Variants in INTS7 observed in about 807,000 individuals in gnomAD.
The protein encoded by INTS7 is integrator complex subunit 7, also known as chromosome 1 open reading frame 73.
In INTS7, 46 loss-of-function variants were observed where a neutral mutation model predicts 109.2. The observed-to-expected ratio is 0.42, with a 90% CI of 0.33 to 0.54. INTS7 has a LOEUF of 0.54. INTS7 is among the 20% of genes least tolerant of loss of function. The pLI is 0.07. For synonymous variants in INTS7, 412 were observed against 402.9 expected, an observed-to-expected ratio of 1.02 and a Z score of -0.27; for missense variants, 929 against 1,132.4, an observed-to-expected ratio of 0.82 and a Z score of 2.58.
At chr1:212,003,660 T>A (rs1198503894) in intron 7 of INTS7, among the ~76,000 whole-genome samples, 2 of 152,226 alleles carry the variant, frequency 1.3e-5, no homozygotes, top group African/African-American at 4.8e-5. Context: ...TTAACTTGTA[T>A]CTTAATTATA....
At chr1:211,962,996 A>G (rs1053350971) in intron 16 of INTS7, among the ~76,000 whole-genome samples, 2 of 152,224 alleles carry the variant, frequency 1.3e-5, no homozygotes, top group Non-Finnish European at 2.9e-5. Flanking sequence ...CCCCAAAGCT[A>G]GAAGACAAGA....
chr1:211,950,568 G>A (rs1292432410), intron 17 of INTS7, among the ~76,000 whole-genome samples: 2 of 152,142 alleles, frequency 1.3e-5, no homozygotes. Context: ...CACTGCGCCC[G>A]ACCGGGAAAT....
chr1:212,015,994 T>C (rs1666423324), intron 4 of INTS7, among the ~76,000 whole-genome samples: 1 of 152,138 alleles, frequency 6.6e-6, no homozygotes, highest in Non-Finnish European at 1.5e-5. Context: ...AAAACAAACC[T>C]GTTATATTAC....
chr1:211,950,223 A>C (rs1296743705), intron 17 of INTS7, among the ~76,000 whole-genome samples: 3 of 152,234 alleles, frequency 2.0e-5, no homozygotes, highest in African/African-American at 7.2e-5. Context: ...GACAGTAACA[A>C]ATCTATAAAG....
At chr1:212,011,676 T>C (rs1419029735) in intron 4 of INTS7, 1 of 380,196 alleles carries the variant, frequency 2.6e-6, no homozygotes, top group East Asian at 4.1e-5. Flanking sequence ...ACAGTGTTAT[T>C]TTTTCATAAC....
intron 1 of INTS7, among the ~76,000 whole-genome samples, chr1:212,029,362 G>A (rs1387860614): frequency 6.6e-6 from 1 of 152,228 alleles, no homozygotes; most frequent in Admixed American, 6.5e-5. Flanking sequence ...CTGTCATCTA[G>A]GAATATCGTA....
intron 1 of INTS7, among the ~76,000 whole-genome samples, chr1:212,032,681 A>G (rs1046939881): frequency 2.6e-5 from 4 of 151,994 alleles, no homozygotes; most frequent in Non-Finnish European, 5.9e-5. Flanking sequence ...GGGTTTCACC[A>G]TGTTAGCCAG....
In INTS7 at chr1:211,942,197, T is replaced by C; in HGVS notation, c.2602-86A>G. On this transcript the variant is annotated intron_variant, in intron 19 of 19. Coordinates refer to ENST00000366994, the MANE Select transcript of INTS7 (RefSeq NM_015434.4). The surrounding 1 kb of genome is among the most constrained non-coding windows in gnomAD (Gnocchi z 4.2). ...AGTTAGGCCCTGTTCTAAGAGCTTA[T>C]TTAGACCATGCAGACAATAAAAAAT... 1 of 1,404,282 alleles carries C rather than the reference T, an allele frequency of 7.1e-7. No individual in the cohort carries two copies. The highest frequency in any genetic ancestry group is 2.0e-5 in the Admixed American group (1 of 51,186). 87.0% of individuals were successfully genotyped at this position (1,404,282 alleles called of 1,614,324 possible). A position where few individuals can be genotyped will look rare whatever the true frequency, so the allele number is the denominator to read the frequency against.
intron 4 of INTS7, among the ~76,000 whole-genome samples, chr1:212,014,736 G>A (rs1436281984): frequency 6.6e-6 from 1 of 152,040 alleles, no homozygotes; most frequent in Non-Finnish European, 1.5e-5. Flanking sequence ...GTGGAGACGG[G>A]GTTTCGCCGT....
intron 17 of INTS7, among the ~76,000 whole-genome samples, chr1:211,947,859 T>C (rs1662909663): frequency 6.6e-6 from 1 of 152,258 alleles, no homozygotes; most frequent in Non-Finnish European, 1.5e-5. Flanking sequence ...TTAGTCTTTA[T>C]ATGAGTAAAC....
chr1:211,994,505 C>A (rs1305747561), intron 7 of INTS7, among the ~76,000 whole-genome samples: 1 of 148,556 alleles, frequency 6.7e-6, no homozygotes, highest in Admixed American at 6.8e-5. Context: ...CTCACTGCAA[C>A]CTCTGCGTCC....
At chr1:212,022,692 G>A (rs1666760412) in intron 1 of INTS7, among the ~76,000 whole-genome samples, 1 of 152,140 alleles carries the variant, frequency 6.6e-6, no homozygotes, top group Non-Finnish European at 1.5e-5. Context: ...TTGTTAGTGG[G>A]AATGTAAAAC....
At chr1:211,965,606 A>G (rs1264381623) in intron 16 of INTS7, among the ~76,000 whole-genome samples, 1 of 151,926 alleles carries the variant, frequency 6.6e-6, no homozygotes, top group Admixed American at 6.5e-5. Flanking sequence ...ATCATGAAAT[A>G]CTACGCAGCC....
chr1:211,947,199 C>G (rs902765734), intron 17 of INTS7, among the ~76,000 whole-genome samples: 2 of 152,076 alleles, frequency 1.3e-5, no homozygotes, highest in Admixed American at 1.3e-4. Context: ...TGGTCGAATT[C>G]AGATGAAAGA....
chr1:212,035,268 C>A, intron 1 of INTS7, 76 bp downstream of exon 1: 1 of 1,017,376 alleles, frequency 9.8e-7, no homozygotes, highest in Non-Finnish European at 1.6e-6. Context: ...TCCGTCTTCT[C>A]CCAAAGCAAC....
At chr1:211,987,201 G>T (rs1664930411) in intron 8 of INTS7, among the ~76,000 whole-genome samples, 1 of 152,038 alleles carries the variant, frequency 6.6e-6, no homozygotes, top group Non-Finnish European at 1.5e-5. Flanking sequence ...GGAGGCTGAG[G>T]CAAGAGAATT....
chr1:211,941,821 T>C lies in INTS7; in HGVS notation c.*3A>G, dbSNP rs752122525. On this transcript the variant is annotated 3_prime_UTR_variant, in exon 20 of 20. Transcript: ENST00000366994. ...GAGAGTCTGCAGTGCATTCATTCCA[T>C]GGTTAAAACCGTGTGTAGGCATTGC... The C allele has an allele frequency of 4.3e-6, 7 of 1,612,764 alleles. No homozygotes were observed. In the East Asian group the frequency reaches 6.7e-5, roughly 15 times the overall value.
At chr1:212,001,609 C>G (rs1158618615) in intron 7 of INTS7, among the ~76,000 whole-genome samples, 1 of 152,114 alleles carries the variant, frequency 6.6e-6, no homozygotes, top group African/African-American at 2.4e-5. Flanking sequence ...TGCCTTAAAT[C>G]TCCCTCCTGT....
At chr1:212,014,861 C>A (rs1666339060) in intron 4 of INTS7, among the ~76,000 whole-genome samples, 1 of 152,224 alleles carries the variant, frequency 6.6e-6, no homozygotes, top group South Asian at 2.1e-4. Context: ...CTTGCCCAGG[C>A]TGGAGTGCAG....
Sources: gnomAD v4.1 joint callset for allele counts (sites outside exome capture counted in the v4.1 genomes callset) on GRCh38, gnomAD v4.1.1 for gene constraint, Gnocchi (gnomAD v3.1) non-coding constraint, MANE v1.5 for transcripts, NCBI Gene and HGNC (gene_info 2026-07-23, HGNC 2026-07-21) for gene names.